Variants in UCK1 observed in about 807,000 individuals in gnomAD.
The protein encoded by UCK1 is uridine-cytidine kinase 1, also known as cytidine monophosphokinase 1.
UCK1 carries 20 observed loss-of-function variants against 34.0 expected under a neutral mutation model. The observed-to-expected ratio is 0.59, with a 90% CI of 0.41 to 0.86. The LOEUF is 0.86. Ranked by LOEUF, UCK1 falls within the 40% of genes least tolerant of loss-of-function variation. UCK1 has a pLI of 0.00. For synonymous variants in UCK1, 168 were observed against 155.9 expected, an observed-to-expected ratio of 1.08 and a Z score of -0.58; for missense variants, 343 against 383.6, an observed-to-expected ratio of 0.89 and a Z score of 0.88.
chr9:131,526,261 A>T, intron 5 of UCK1: 1 of 687,150 alleles, frequency 1.5e-6, no homozygotes, highest in Non-Finnish European at 2.4e-6. Flanking sequence ...TTCCCACTCC[A>T]TTACAGGAGA....
At position 131,524,458 on chromosome 9, in the gene UCK1, C is replaced by T. The variant is rs757846900; in HGVS notation, c.*582G>A. 6.6e-6 allele frequency: 1 copy of T among 152,252 alleles called. No individual in the cohort carries two copies. The highest frequency in any genetic ancestry group is 2.4e-5 in the African/African-American group (1 of 41,440). 9.4% of individuals were successfully genotyped at this position (152,252 alleles called of 1,614,324 possible). A position where few individuals can be genotyped will look rare whatever the true frequency, so the allele number is the denominator to read the frequency against. On this transcript the variant is annotated 3_prime_UTR_variant, in exon 7 of 7. Coordinates refer to ENST00000372215, the MANE Select transcript of UCK1 (RefSeq NM_031432.5). ...ACATCCCTCAGTGGCTCCCCATATCCGTGTAGGCCACGCTGGACTGCAAAC... is the reference window on the plus strand; with the variant it reads ...ACATCCCTCAGTGGCTCCCCATATCTGTGTAGGCCACGCTGGACTGCAAAC...
rs569305261 is a variant in UCK1 at position 131,531,166 on chromosome 9, C to G, written c.9G>C (p.Ser3=). 35 of 1,422,354 alleles carry G rather than the reference C, an allele frequency of 2.5e-5. No individual in the cohort carries two copies. In the African/African-American group the frequency reaches 4.3e-4, roughly 18 times the overall value. 88.1% of individuals were successfully genotyped at this position (1,422,354 alleles called of 1,614,324 possible). A position where few individuals can be genotyped will look rare whatever the true frequency, so the allele number is the denominator to read the frequency against. MA[S]AGGEDCESPA... ...GGCTCTCGCAGTCTTCGCCTCCCGC[C>G]GAAGCCATCTCGGCCTCCGCTCCCG... The change falls in exon 1 of 7, where the codon TCG becomes TCC. Residue 3 remains serine, a synonymous_variant. Coordinates refer to ENST00000372215, the MANE Select transcript of UCK1 (RefSeq NM_031432.5).
At position 131,524,980 on chromosome 9, in the gene UCK1, A is replaced by G. The variant is rs1950527571; in HGVS notation, c.*60T>C. The G allele has an allele frequency of 3.2e-6, 5 of 1,561,668 alleles. No individual in the cohort carries two copies. The highest frequency in any genetic ancestry group is 4.3e-6 in the Non-Finnish European group (5 of 1,151,048). On this transcript the variant is annotated 3_prime_UTR_variant, in exon 7 of 7. Coordinates refer to ENST00000372215, the MANE Select transcript of UCK1 (RefSeq NM_031432.5). ...GCAGTGGGTGTGGGTGGGCGTCCCCAGGCTCAGTCCCTGAACACACATGCC... is the reference window on the plus strand; with the variant it reads ...GCAGTGGGTGTGGGTGGGCGTCCCCGGGCTCAGTCCCTGAACACACATGCC...
chr9:131,525,869 C>T, intron 6 of UCK1, 60 bp downstream of exon 6: 2 of 1,577,226 alleles, frequency 1.3e-6, no homozygotes, highest in Non-Finnish European at 8.7e-7. Context: ...ACTGGTGGAA[C>T]TGTCCCTGCC....
At position 131,530,575 on chromosome 9, in the gene UCK1, A is replaced by C. The variant is rs758358970; in HGVS notation, c.179T>G (p.Val60Gly). 4 of 1,614,096 alleles carry C rather than the reference A, an allele frequency of 2.5e-6. No individual in the cohort carries two copies. The South Asian group carries it at 4.4e-5, about 18-fold the overall frequency. ...GTAGAACCTGTCCTGGCTCAGGATG[A>C]CCACCTTCCGCTGCCGCTGTTCCAC... is the stretch of plus-strand genomic sequence containing the variant. Reference protein sequence around the residue: ...NEVEQRQRKVVILSQDRFYKV... With the variant: ...NEVEQRQRKVGILSQDRFYKV... The change falls in exon 2 of 7, where the codon GTC becomes GGC. Residue 60 changes from valine to glycine, a missense_variant. Coordinates refer to ENST00000372215, the MANE Select transcript of UCK1 (RefSeq NM_031432.5).
chr9:131,529,611 C>G (rs1429381422), intron 2 of UCK1, 27 bp from the exon 3 acceptor site: 1 of 1,608,204 alleles, frequency 6.2e-7, no homozygotes, highest in African/African-American at 1.3e-5. Context: ...AAAGGCAAGA[C>G]AGGCAGATGC....
At position 131,525,830 on chromosome 9, in the gene UCK1, G is replaced by A. The variant is rs76123723; in HGVS notation, c.652+99C>T. 2.0e-3 allele frequency: 2,513 copies of A among 1,282,930 alleles called. 23 individuals carry two copies. The African/African-American group carries it at 0.029, about 15-fold the overall frequency. The allele number at this position is 1,282,930 out of a possible 1,614,324, so 79.5% of individuals were successfully genotyped here. A position where few individuals can be genotyped will look rare whatever the true frequency, so the allele number is the denominator to read the frequency against. On this transcript the variant is annotated intron_variant, in intron 6 of 6. Transcript: ENST00000372215. ...CCGCAGATCAACACTGGCAGGCCGC[G>A]TGCGCAGGGGAGTGCTCAGTAACTG...
chr9:131,527,202 C>T (rs867767002), intron 5 of UCK1, among the ~76,000 whole-genome samples: 1 of 150,886 alleles, frequency 6.6e-6, no homozygotes, highest in Non-Finnish European at 1.5e-5. Context: ...TGGTGCGTGC[C>T]TGTAGTCTCT....
intron 5 of UCK1, among the ~76,000 whole-genome samples, chr9:131,528,417 G>A (rs570326939): frequency 1.7e-4 from 26 of 152,292 alleles, no homozygotes; most frequent in African/African-American, 6.3e-4. Flanking sequence ...TGGGATCTGG[G>A]CACAGCGCTC....
chr9:131,528,986 G>A lies in UCK1; in HGVS notation c.561C>T (p.Tyr187=), dbSNP rs973237614. The A allele has an allele frequency of 7.4e-6, 12 of 1,614,084 alleles. No individual in the cohort carries two copies. The highest frequency in any genetic ancestry group is 1.0e-5 in the Non-Finnish European group (12 of 1,180,034). The change falls in exon 5 of 7, where the codon TAC becomes TAT. Residue 187 remains tyrosine (Y), a synonymous_variant. Coordinates refer to ENST00000372215, the MANE Select transcript of UCK1 (RefSeq NM_031432.5). The part of the protein sequence containing the change: ...GRDLEQILTQ[Y]TTFVKPAFEE... ...CGAAGGCCGGCTTCACGAAGGTGGTGTACTGCGTCAGAATCTGCTCCAGGT... is the reference window on the plus strand; with the variant it reads ...CGAAGGCCGGCTTCACGAAGGTGGTATACTGCGTCAGAATCTGCTCCAGGT...
chr9:131,529,428 G>A, intron 3 of UCK1, 60 bp downstream of exon 3: 1 of 1,609,474 alleles, frequency 6.2e-7, no homozygotes. Context: ...GTCTGTGTGA[G>A]CCCGAGGGGA....
In UCK1 at chr9:131,524,736, C is replaced by T. The variant is rs575670094; in HGVS notation, c.*304G>A. 5.0e-5 allele frequency: 16 copies of T among 317,406 alleles called. No individual in the cohort carries two copies. The highest frequency in any genetic ancestry group is 3.4e-4 in the African/African-American group (16 of 46,510). The allele number at this position is 317,406 out of a possible 1,614,324, so 19.7% of individuals were successfully genotyped here. A position where few individuals can be genotyped will look rare whatever the true frequency, so the allele number is the denominator to read the frequency against. On this transcript the variant is annotated 3_prime_UTR_variant, in exon 7 of 7. Transcript: ENST00000372215. ...CCTCAATTTCCCCAATAATGTGCCT[C>T]ACATTCCTCACAGAAGCCTCCCAGG...
At chr9:131,529,431 C>A in intron 3 of UCK1, 57 bp downstream of exon 3, 1 of 1,610,166 alleles carries the variant, frequency 6.2e-7, no homozygotes, top group Non-Finnish European at 8.5e-7. Context: ...TGTGTGAGCC[C>A]GAGGGGACGT....
Position 131,525,168 on chromosome 9 carries a change from A to C in UCK1, c.706T>G (p.Cys236Gly). ...TTGGACCCTCCTCGGTGCCATTTGC[A>C]GATGTCACCATTCAGAATGTCCTGG... ...HIQDILNGDI[C>G]KWHRGGSNGR... is the part of the protein sequence containing the mutation. The change falls in exon 7 of 7, where the codon TGC (cysteine) becomes GGC (glycine). Residue 236 changes from cysteine to glycine, a missense_variant. By Grantham distance (159) the Cys-to-Gly change is radical. Coordinates refer to ENST00000372215, the MANE Select transcript of UCK1 (RefSeq NM_031432.5). 2 of 1,614,168 alleles carry C rather than the reference A, an allele frequency of 1.2e-6. No homozygotes were observed. The highest frequency in any genetic ancestry group is 1.7e-6 in the Non-Finnish European group (2 of 1,180,038).
In UCK1 at chr9:131,530,557, C is replaced by T; in HGVS notation, c.197G>A (p.Arg66Lys). 6.2e-7 allele frequency: 1 copy of T among 1,614,266 alleles called. No homozygotes were observed. The highest frequency in any genetic ancestry group is 8.5e-7 in the Non-Finnish European group (1 of 1,180,050). The change falls in exon 2 of 7, where the codon AGG becomes AAG. Residue 66 changes from arginine (R) to lysine (K), a missense_variant. Arg to Lys is a conservative substitution (Grantham distance 26). Coordinates refer to ENST00000372215, the MANE Select transcript of UCK1 (RefSeq NM_031432.5). ...QRKVVILSQDRFYKVLTAEQK... is the reference protein window; with the variant it reads ...QRKVVILSQDKFYKVLTAEQK... Reference sequence around the variant, plus strand: ...CTCTGCCGTCAGGACCTTGTAGAACCTGTCCTGGCTCAGGATGACCACCTT... The same window carrying T: ...CTCTGCCGTCAGGACCTTGTAGAACTTGTCCTGGCTCAGGATGACCACCTT...
chr9:131,527,771 G>T (rs917751186), intron 5 of UCK1, among the ~76,000 whole-genome samples: 1 of 152,082 alleles, frequency 6.6e-6, no homozygotes, highest in African/African-American at 2.4e-5. Context: ...CAGCTACTCG[G>T]GTTGCTGAGG....
In UCK1 at chr9:131,529,018, C is replaced by G; in HGVS notation, c.529G>C (p.Gly177Arg). Residue 177 changes from glycine (G) to arginine (R), a missense_variant, in exon 5 of 7, where the codon GGG (glycine) becomes CGG (arginine). Coordinates refer to ENST00000372215, the MANE Select transcript of UCK1 (RefSeq NM_031432.5). Reference sequence around the variant, plus strand: ...GTCAGAATCTGCTCCAGGTCCCTCCCTCGGCGCACGTCCCGGAGAACTGCA... The same window carrying G: ...GTCAGAATCTGCTCCAGGTCCCTCCGTCGGCGCACGTCCCGGAGAACTGCA... ...SRRVLRDVRR[G>R]RDLEQILTQY... The G allele has an allele frequency of 6.2e-7, 1 of 1,614,118 alleles. No individual in the cohort carries two copies. The highest frequency in any genetic ancestry group is 8.5e-7 in the Non-Finnish European group (1 of 1,180,016).
In UCK1 at chr9:131,524,615, T is replaced by C. The variant is rs1269011154; in HGVS notation, c.*425A>G. On this transcript the variant is annotated 3_prime_UTR_variant, in exon 7 of 7. Coordinates refer to ENST00000372215, the MANE Select transcript of UCK1 (RefSeq NM_031432.5). ...TCACAAAACTTTTGAGTTATGTGTG[T>C]GAGTGTGTAAGAACCAGATCAGACT... is the stretch of plus-strand genomic sequence containing the variant. The C allele has an allele frequency of 2.5e-5, 2 of 79,226 alleles. No individual in the cohort carries two copies. Among genetic ancestry groups the C allele is most frequent in the Non-Finnish European group, 5.6e-5 (2 of 35,734 alleles). The allele number at this position is 79,226 out of a possible 1,614,324, so 4.9% of individuals were successfully genotyped here.
Position 131,531,162 on chromosome 9 carries a change from C to T in UCK1, c.13G>A (p.Gly5Arg), listed in dbSNP as rs1180188353. The T allele has an allele frequency of 4.2e-6, 6 of 1,424,266 alleles. No individual in the cohort carries two copies. The highest frequency in any genetic ancestry group is 2.5e-4 in the Middle Eastern group (1 of 4,020). 88.2% of individuals were successfully genotyped at this position (1,424,266 alleles called of 1,614,324 possible). A position where few individuals can be genotyped will look rare whatever the true frequency, so the allele number is the denominator to read the frequency against. The stretch of plus-strand genomic sequence containing the variant: ...GCGGGGCTCTCGCAGTCTTCGCCTC[C>T]CGCCGAAGCCATCTCGGCCTCCGCT... MASA[G>R]GEDCESPAPE... The change falls in exon 1 of 7, where the codon GGA becomes AGA. Residue 5 changes from glycine (G) to arginine (R), a missense_variant. Transcript: ENST00000372215.
Sources: allele counts gnomAD v4.1 joint callset (sites outside exome capture counted in the v4.1 genomes callset), GRCh38; gene constraint gnomAD v4.1.1; transcripts MANE v1.5; gene names NCBI Gene and HGNC (gene_info 2026-07-23, HGNC 2026-07-21).